CYP19A1: variants seen among roughly 807,000 people sequenced by gnomAD.
The protein encoded by CYP19A1 is aromatase.
CYP19A1 carries 32 observed loss-of-function variants against 44.4 expected under a neutral mutation model. That is an observed-to-expected ratio of 0.72 (90% CI 0.54 to 0.97). The LOEUF (loss-of-function observed/expected upper bound fraction) is 0.97, where lower values mean the gene tolerates loss of function less well. Among genes scored for constraint, CYP19A1 ranks in the 50% least tolerant of loss-of-function variants. The probability of loss-of-function intolerance (pLI) is 0.00; values close to 1 mark genes in which losing one functional copy is unlikely to be tolerated. For missense variants in CYP19A1, 598 were observed against 637.8 expected (o/e 0.94, Z 0.67); for synonymous variants, 212 against 215.6 (o/e 0.98, Z 0.14).
chr15:51,273,597 C>G (rs1167936706), intron 1 of CYP19A1, among the ~76,000 whole-genome samples: 1 of 152,120 alleles, frequency 6.6e-6, no homozygotes, highest in African/African-American at 2.4e-5. Context: ...TCTATCCCAC[C>G]TTTGCCTAGC....
chr15:51,331,443 AG>A (rs2036699269), intron 1 of CYP19A1, among the ~76,000 whole-genome samples: 1 of 152,326 alleles, frequency 6.6e-6, no homozygotes, highest in African/African-American at 2.4e-5. Flanking sequence ...AAAGAGGACA[AG>A]GGGCATTTTA....
intron 1 of CYP19A1, among the ~76,000 whole-genome samples, chr15:51,293,351 G>A (rs1028223709): frequency 1.3e-5 from 2 of 152,150 alleles, no homozygotes; most frequent in Admixed American, 1.3e-4. Flanking sequence ...TAGCAAGTGT[G>A]AGCTAAGAAC....
intron 1 of CYP19A1, among the ~76,000 whole-genome samples, chr15:51,275,752 A>G (rs1029150073): frequency 7.2e-4 from 109 of 152,196 alleles, no homozygotes; most frequent in Non-Finnish European, 1.5e-5. Context: ...TATTTATAAG[A>G]GTTCAAAAAT....
At chr15:51,226,029 C>T in intron 4 of CYP19A1, among the ~76,000 whole-genome samples, 1 of 127,982 alleles carries the variant, frequency 7.8e-6, no homozygotes, top group Non-Finnish European at 1.6e-5. Flanking sequence ...GTGGAGCTTG[C>T]AGTGAGCCAA....
At chr15:51,272,825 T>C (rs1378028438) in intron 1 of CYP19A1, among the ~76,000 whole-genome samples, 2 of 152,176 alleles carry the variant, frequency 1.3e-5, no homozygotes, top group African/African-American at 2.4e-5. Flanking sequence ...ATTTTTGGTG[T>C]GGAGTTTGGC....
chr15:51,222,682 G>T (rs1164542151), intron 4 of CYP19A1, among the ~76,000 whole-genome samples, 157 bp from the exon 5 acceptor site: 1 of 152,150 alleles, frequency 6.6e-6, no homozygotes, highest in African/African-American at 2.4e-5. Context: ...CTTTTCTGTG[G>T]TCTCCTAATT....
chr15:51,310,354 G>T (rs1426371806), intron 1 of CYP19A1, among the ~76,000 whole-genome samples: 1 of 152,198 alleles, frequency 6.6e-6, no homozygotes, highest in Non-Finnish European at 1.5e-5. Context: ...CCTGGCTTTG[G>T]CCCAAGGGTG....
At chr15:51,328,348 G>C (rs986622356) in intron 1 of CYP19A1, among the ~76,000 whole-genome samples, 1 of 152,174 alleles carries the variant, frequency 6.6e-6, no homozygotes. Context: ...AGTGATGAGG[G>C]ACAGTCACTT....
chr15:51,333,316 G>A (rs1429565425), intron 1 of CYP19A1, among the ~76,000 whole-genome samples: 1 of 152,050 alleles, frequency 6.6e-6, no homozygotes, highest in Non-Finnish European at 1.5e-5. Context: ...GTCACTGGCG[G>A]GGAGACTCTC....
At chr15:51,258,801 A>G (rs1446171023) in intron 1 of CYP19A1, among the ~76,000 whole-genome samples, 1 of 152,264 alleles carries the variant, frequency 6.6e-6, no homozygotes, top group African/African-American at 2.4e-5. Flanking sequence ...GGAGTCTTTT[A>G]GAGAAGACTT....
chr15:51,273,941 A>G (rs1299744074), intron 1 of CYP19A1, among the ~76,000 whole-genome samples: 1 of 152,118 alleles, frequency 6.6e-6, no homozygotes, highest in African/African-American at 2.4e-5. Context: ...CGAGAGACGG[A>G]GGTTGCAGTA....
At chr15:51,233,790 C>T (rs1441996178) in intron 3 of CYP19A1, among the ~76,000 whole-genome samples, 1 of 152,106 alleles carries the variant, frequency 6.6e-6, no homozygotes, top group Non-Finnish European at 1.5e-5. Flanking sequence ...AATCTAGGGA[C>T]ATATAATGGA....
At chr15:51,222,269 T>C (rs910041592) in intron 5 of CYP19A1, 80 bp downstream of exon 5, 54 of 1,608,858 alleles carry the variant, frequency 3.4e-5, no homozygotes, top group Non-Finnish European at 4.6e-5. Context: ...GGCATGTGAT[T>C]CCTTTGGTCT....
rs536863864 is a variant in CYP19A1 at position 51,231,412 on chromosome 15, G to C, written c.297-3479C>G. Among the ~76,000 whole-genome samples, 3 of 152,094 alleles carry C rather than the reference G, an allele frequency of 2.0e-5. No homozygotes were observed. In the South Asian group the frequency reaches 6.2e-4, roughly 32 times the overall value. Reference sequence around the variant, plus strand: ...GCTCTTTCAATTTTCCTACTCATTTGACAATTTTCTTAACAGAAAGTTGGG... The same window carrying C: ...GCTCTTTCAATTTTCCTACTCATTTCACAATTTTCTTAACAGAAAGTTGGG... On this transcript the variant is annotated intron_variant, in intron 3 of 9. Coordinates refer to ENST00000396402, the MANE Select transcript of CYP19A1 (RefSeq NM_000103.4).
At position 51,322,324 on chromosome 15, in the gene CYP19A1, C is replaced by T. The variant is rs1201581197; in HGVS notation, c.-39+16171G>A. The stretch of plus-strand genomic sequence containing the variant: ...AGAACAAGCAGCCAGTGGAGGCTTT[C>T]GCCTGAACTGTGCAATCCTTACCTG... On this transcript the variant is annotated intron_variant, in intron 1 of 9. Transcript: ENST00000396402. 3.3e-5 allele frequency among the ~76,000 whole-genome samples: 5 copies of T among 152,218 alleles called. No individual in the cohort carries two copies. In the East Asian group the frequency reaches 5.8e-4, roughly 18 times the overall value.
intron 4 of CYP19A1, among the ~76,000 whole-genome samples, chr15:51,226,432 A>G (rs933233647): frequency 3.3e-5 from 5 of 152,218 alleles, no homozygotes; most frequent in Non-Finnish European, 7.3e-5. Context: ...AGTTTGTGGC[A>G]ATTTGTTACA....
intron 1 of CYP19A1, among the ~76,000 whole-genome samples, chr15:51,332,352 C>A (rs1177360319): frequency 6.6e-6 from 1 of 152,224 alleles, no homozygotes; most frequent in South Asian, 2.1e-4. Flanking sequence ...TTTCACTTCC[C>A]ACTCTCACAC....
intron 4 of CYP19A1, among the ~76,000 whole-genome samples, chr15:51,224,405 A>T (rs1432878540): frequency 2.0e-5 from 3 of 152,228 alleles, no homozygotes; most frequent in African/African-American, 7.2e-5. Context: ...TCCAATAAGC[A>T]ATTATCCCCC....
At chr15:51,215,504 C>T (rs1883016100) in intron 7 of CYP19A1, among the ~76,000 whole-genome samples, 199 bp downstream of exon 7, 1 of 152,200 alleles carries the variant, frequency 6.6e-6, no homozygotes, top group South Asian at 2.1e-4. Flanking sequence ...TCTTAGCAGT[C>T]AGTCTTACTA....
Sources: gnomAD v4.1 joint callset for allele counts (sites outside exome capture counted in the v4.1 genomes callset) on GRCh38, gnomAD v4.1.1 for gene constraint, MANE v1.5 for transcripts, NCBI Gene and HGNC (gene_info 2026-07-23, HGNC 2026-07-21) for gene names.